WDFY2: variants seen among roughly 807,000 people sequenced by gnomAD.
WDFY2 encodes WD repeat and FYVE domain containing 2, also known as WD repeat and FYVE domain-containing protein 2.
In WDFY2, 36 loss-of-function variants were observed where a neutral mutation model predicts 56.4. The observed-to-expected ratio is 0.64, with a 90% CI of 0.49 to 0.84. The LOEUF is 0.84. WDFY2 is among the 40% of genes least tolerant of loss of function. WDFY2 has a pLI of 0.00. For synonymous variants in WDFY2, 176 were observed against 183.7 expected, an observed-to-expected ratio of 0.96 and a Z score of 0.34; for missense variants, 444 against 512.2, an observed-to-expected ratio of 0.87 and a Z score of 1.29.
At chr13:51,642,640 A>T (rs1299252689) in intron 1 of WDFY2, among the ~76,000 whole-genome samples, 7 of 144,344 alleles carry the variant, frequency 4.8e-5, no homozygotes, top group African/African-American at 1.0e-4. Context: ...AATAACTTTT[A>T]TAAACCTGCT....
At chr13:51,754,573 C>A (rs1236436405) in intron 8 of WDFY2, among the ~76,000 whole-genome samples, 1 of 152,216 alleles carries the variant, frequency 6.6e-6, no homozygotes, top group Admixed American at 6.5e-5. Context: ...TTTGCATTCT[C>A]TGCTTAACAG....
chr13:51,703,087 G>A (rs2053327697), intron 3 of WDFY2, among the ~76,000 whole-genome samples: 1 of 152,170 alleles, frequency 6.6e-6, no homozygotes, highest in Admixed American at 6.5e-5. Flanking sequence ...ATTACCTACT[G>A]TGCCAAGGTA....
At chr13:51,738,199 T>A (rs1442657962) in intron 6 of WDFY2, among the ~76,000 whole-genome samples, 1 of 152,236 alleles carries the variant, frequency 6.6e-6, no homozygotes, top group Non-Finnish European at 1.5e-5. Flanking sequence ...TTTCTGACAT[T>A]CTTAAGTGTT....
At chr13:51,643,576 T>C (rs1955214737) in intron 1 of WDFY2, among the ~76,000 whole-genome samples, 1 of 152,194 alleles carries the variant, frequency 6.6e-6, no homozygotes, top group Non-Finnish European at 1.5e-5. Flanking sequence ...TATTGTTGAA[T>C]TGCTTAGGCT....
At chr13:51,687,844 G>C (rs1651096725) in intron 3 of WDFY2, among the ~76,000 whole-genome samples, 1 of 152,034 alleles carries the variant, frequency 6.6e-6, no homozygotes. Context: ...TTGAAATTCA[G>C]AACAGAAAGC....
intron 3 of WDFY2, among the ~76,000 whole-genome samples, chr13:51,701,626 G>T (rs1274710217): frequency 6.6e-6 from 1 of 151,534 alleles, no homozygotes; most frequent in Admixed American, 6.6e-5. Flanking sequence ...CAAGAAATTA[G>T]GTTTACCAAT....
At chr13:51,674,043 A>C (rs1057137624) in intron 2 of WDFY2, among the ~76,000 whole-genome samples, 1 of 152,202 alleles carries the variant, frequency 6.6e-6, no homozygotes, top group Non-Finnish European at 1.5e-5. Flanking sequence ...AGAACTTGAA[A>C]TTCTTTTTTA....
intron 3 of WDFY2, among the ~76,000 whole-genome samples, chr13:51,701,007 A>G (rs561194678): frequency 2.9e-4 from 44 of 152,314 alleles, no homozygotes; most frequent in Admixed American, 1.2e-3. Context: ...ACAGTCATCA[A>G]AAAGAATGAA....
Position 51,766,745 on chromosome 13 carries a change from C to A in WDFY2, c.*6976C>A, listed in dbSNP as rs980984709. The A allele has an allele frequency of 1.3e-5, 2 of 152,274 alleles. No homozygotes were observed. The highest frequency in any genetic ancestry group is 2.9e-5 in the Non-Finnish European group (2 of 68,054). 9.4% of individuals were successfully genotyped at this position (152,274 alleles called of 1,614,324 possible). A position where few individuals can be genotyped will look rare whatever the true frequency, so the allele number is the denominator to read the frequency against. On this transcript the variant is annotated 3_prime_UTR_variant, in exon 12 of 12. Transcript: ENST00000298125. ...GTAGCCATTACCAATGTACAACTCT[C>A]AATGCGGAGTTGCCGCCACGGTTTA...
chr13:51,755,116 T>C (rs878887094), intron 8 of WDFY2, among the ~76,000 whole-genome samples: 1 of 152,230 alleles, frequency 6.6e-6, no homozygotes, highest in South Asian at 2.1e-4. Context: ...CTTATGCTTA[T>C]GTAAATAATT....
intron 7 of WDFY2, among the ~76,000 whole-genome samples, chr13:51,747,572 C>T (rs1953131304): frequency 6.6e-6 from 1 of 152,194 alleles, no homozygotes; most frequent in Non-Finnish European, 1.5e-5. Flanking sequence ...TGCTCTGTCA[C>T]CCAGGCTAGA....
At chr13:51,724,506 G>T (rs962318772) in intron 5 of WDFY2, among the ~76,000 whole-genome samples, 1 of 152,048 alleles carries the variant, frequency 6.6e-6, no homozygotes, top group African/African-American at 2.4e-5. Flanking sequence ...CAGAGTGCTG[G>T]GATTACAGGC....
At chr13:51,686,660 A>G (rs1956066954) in intron 3 of WDFY2, among the ~76,000 whole-genome samples, 1 of 152,160 alleles carries the variant, frequency 6.6e-6, no homozygotes, top group African/African-American at 2.4e-5. Context: ...GAATTTAAAT[A>G]TAGAAAAAGA....
At chr13:51,693,532 A>T (rs1159914154) in intron 3 of WDFY2, among the ~76,000 whole-genome samples, 1 of 152,084 alleles carries the variant, frequency 6.6e-6, no homozygotes. Context: ...GTTTGATTGC[A>T]CTGTGGTCTG....
At chr13:51,727,588 G>A (rs1952631183) in intron 5 of WDFY2, 90 bp from the exon 6 acceptor site, 2 of 1,200,450 alleles carry the variant, frequency 1.7e-6, no homozygotes, top group African/African-American at 1.5e-5. Context: ...GATGGGATTT[G>A]CGTATTTCTT....
At chr13:51,682,329 C>T (rs1255526506) in intron 3 of WDFY2, among the ~76,000 whole-genome samples, 1 of 152,146 alleles carries the variant, frequency 6.6e-6, no homozygotes, top group Non-Finnish European at 1.5e-5. Flanking sequence ...TCTATCTCCC[C>T]TGGAATAATA....
intron 3 of WDFY2, among the ~76,000 whole-genome samples, chr13:51,702,715 A>C (rs907219357): frequency 1.3e-5 from 2 of 152,316 alleles, no homozygotes; most frequent in African/African-American, 4.8e-5. Context: ...TATCAAAGAA[A>C]AATCCTGTAT....
intron 1 of WDFY2, chr13:51,598,503 A>T (rs1007156759): frequency 6.6e-6 from 1 of 152,212 alleles, no homozygotes; most frequent in Non-Finnish European, 1.5e-5. Flanking sequence ...TGCAGGGGGC[A>T]TGCAACAAGG....
Position 51,603,760 on chromosome 13 carries a change from C to G in WDFY2, c.137+18936C>G, listed in dbSNP as rs184465025. Among the ~76,000 whole-genome samples, 5 of 152,168 alleles carry G rather than the reference C, an allele frequency of 3.3e-5. No individual in the cohort carries two copies. In the East Asian group the frequency reaches 9.7e-4, roughly 29 times the overall value. On this transcript the variant is annotated intron_variant, in intron 1 of 11. Transcript: ENST00000298125. ...CAAATGGGAAGAATAATGCTTCCTT[C>G]TTCATAGGATTTTGGTAAGAATTAA...
Sources: gnomAD v4.1 joint callset for allele counts (sites outside exome capture counted in the v4.1 genomes callset) on GRCh38, gnomAD v4.1.1 for gene constraint, MANE v1.5 for transcripts, NCBI Gene and HGNC (gene_info 2026-07-23, HGNC 2026-07-21) for gene names.